Variants in HOMER2 observed in about 807,000 individuals in gnomAD.
HOMER2 encodes homer protein homolog 2.
Under a neutral mutation model 47.0 loss-of-function variants are expected in HOMER2, and 27 were observed. That is an observed-to-expected ratio of 0.57 (90% confidence interval 0.42 to 0.79). HOMER2 has a LOEUF of 0.79. Ranked by LOEUF, HOMER2 falls within the 30% of genes least tolerant of loss-of-function variation. The pLI is 0.00. For synonymous variants in HOMER2, 161 were observed against 163.8 expected (o/e 0.98, Z 0.13); for missense variants, 443 against 435.0 (o/e 1.02, Z -0.16).
chr15:82,928,960 A>AAAAAAAAAAAAAAAAAAAAAAAAAAT (rs2053933614), intron 1 of HOMER2, among the ~76,000 whole-genome samples: 1 of 148,848 alleles, frequency 6.7e-6, no homozygotes, highest in Non-Finnish European at 1.5e-5. Context: ...AAAAAAAAAA[A>AAAAAAAAAAAAAAAAAAAAAAAAAAT]GCTGTCATGC....
intron 1 of HOMER2, among the ~76,000 whole-genome samples, chr15:82,966,604 G>A (rs538887080): frequency 6.6e-6 from 1 of 152,168 alleles, no homozygotes; most frequent in Non-Finnish European, 1.5e-5. Context: ...AACAAAGGCG[G>A]GAAAATGTTA....
At chr15:82,960,917 G>T (rs1295916078) in intron 1 of HOMER2, among the ~76,000 whole-genome samples, 1 of 152,230 alleles carries the variant, frequency 6.6e-6, no homozygotes, top group Admixed American at 6.5e-5. Flanking sequence ...CAGCTGCCCA[G>T]CAGGCTTTAG....
At chr15:82,975,526 C>T (rs1725190402) in intron 1 of HOMER2, among the ~76,000 whole-genome samples, 1 of 152,066 alleles carries the variant, frequency 6.6e-6, no homozygotes, top group African/African-American at 2.4e-5. Flanking sequence ...TACTATTCAG[C>T]CGTAAAAAAA....
intron 1 of HOMER2, among the ~76,000 whole-genome samples, chr15:82,962,456 C>T: frequency 6.6e-6 from 1 of 151,552 alleles, no homozygotes; most frequent in Non-Finnish European, 1.5e-5. Flanking sequence ...GCAGGCAGAT[C>T]ACCTGAAGTC....
At chr15:82,869,061 T>C (rs571357157) in intron 3 of HOMER2, among the ~76,000 whole-genome samples, 1 of 152,350 alleles carries the variant, frequency 6.6e-6, no homozygotes, top group Admixed American at 6.5e-5. Flanking sequence ...TAGGTATAAA[T>C]GCGACCACAG....
At chr15:82,868,541 A>ATATATATTTTTTTTTTTTTTTTT in intron 3 of HOMER2, among the ~76,000 whole-genome samples, 1 of 71,288 alleles carries the variant, frequency 1.4e-5, no homozygotes, top group African/African-American at 5.0e-5. Context: ...ATATATATAT[A>ATATATATTTTTTTTTTTTTTTTT]TTTTTTTTTT....
chr15:82,904,156 C>T (rs886831353), intron 1 of HOMER2, among the ~76,000 whole-genome samples: 16 of 152,030 alleles, frequency 1.1e-4, no homozygotes, highest in African/African-American at 3.1e-4. Flanking sequence ...ACAAAAAACA[C>T]GGAAAAATCA....
intron 1 of HOMER2, among the ~76,000 whole-genome samples, chr15:82,940,455 G>C (rs929687212): frequency 3.9e-5 from 6 of 152,198 alleles, no homozygotes; most frequent in African/African-American, 1.4e-4. Flanking sequence ...AAAATTAGCT[G>C]TGCATGGGCT....
chr15:82,983,006 T>A (rs997355730), intron 1 of HOMER2, among the ~76,000 whole-genome samples: 6 of 152,200 alleles, frequency 3.9e-5, no homozygotes, highest in Admixed American at 1.3e-4. Context: ...GATAAACCCA[T>A]CACAAGTTGA....
intron 1 of HOMER2, chr15:82,951,975 CA>C (rs1420579640): frequency 1.3e-6 from 1 of 776,070 alleles, no homozygotes; most frequent in Non-Finnish European, 1.6e-6. Flanking sequence ...CCCTCCTGAG[CA>C]TCTACTCAGT....
At chr15:82,868,541 A>ATATATATATATATATATATTT in intron 3 of HOMER2, among the ~76,000 whole-genome samples, 1 of 71,266 alleles carries the variant, frequency 1.4e-5, no homozygotes, top group African/African-American at 5.0e-5. Context: ...ATATATATAT[A>ATATATATATATATATATATTT]TTTTTTTTTT....
exon 2 of HOMER2, chr15:82,958,871 T>G (rs75591339): frequency 1.3e-5 from 2 of 152,484 alleles, no homozygotes; most frequent in Non-Finnish European, 2.9e-5. Context: ...GAGGCAAAAA[T>G]AGAAATGACC....
chr15:82,882,700 T>C (rs139753505), intron 2 of HOMER2, among the ~76,000 whole-genome samples: 2 of 152,244 alleles, frequency 1.3e-5, no homozygotes, highest in Non-Finnish European at 2.9e-5. Flanking sequence ...GCGTGACACA[T>C]GCTTGGACAG....
chr15:82,980,484 C>T (rs1451484704), intron 1 of HOMER2, among the ~76,000 whole-genome samples: 1 of 152,158 alleles, frequency 6.6e-6, no homozygotes, highest in East Asian at 1.9e-4. Context: ...TGTGTTCTGC[C>T]TCTGACCACC....
At chr15:82,856,359 T>C (rs2051585478) in intron 5 of HOMER2, among the ~76,000 whole-genome samples, 1 of 152,056 alleles carries the variant, frequency 6.6e-6, no homozygotes, top group African/African-American at 2.4e-5. Flanking sequence ...ACACCTATAA[T>C]CCCAGCACTT....
At chr15:82,890,600 T>C (rs1413853637) in intron 2 of HOMER2, among the ~76,000 whole-genome samples, 4 of 152,160 alleles carry the variant, frequency 2.6e-5, no homozygotes, top group East Asian at 1.9e-4. Context: ...CCCCACCACA[T>C]TGTCACAGCC....
intron 1 of HOMER2, among the ~76,000 whole-genome samples, chr15:82,984,573 C>T (rs1198986275): frequency 1.3e-5 from 2 of 152,192 alleles, no homozygotes; most frequent in Non-Finnish European, 2.9e-5. Context: ...AATCCCAGCC[C>T]TTTGGGAGGC....
intron 1 of HOMER2, among the ~76,000 whole-genome samples, chr15:82,902,135 C>CA (rs888002013): frequency 3.3e-5 from 5 of 150,288 alleles, no homozygotes; most frequent in Admixed American, 6.6e-5. Context: ...AAGTTTTAAA[C>CA]AAAAAGAGTT....
At chr15:82,868,858 T>C (rs991215956) in intron 3 of HOMER2, among the ~76,000 whole-genome samples, 1 of 151,602 alleles carries the variant, frequency 6.6e-6, no homozygotes, top group African/African-American at 2.4e-5. Context: ...GCTATATATA[T>C]ATATATATAT....
Sources: gnomAD v4.1 joint callset for allele counts (sites outside exome capture counted in the v4.1 genomes callset) on GRCh38, gnomAD v4.1.1 for gene constraint, MANE v1.5 for transcripts, NCBI Gene and HGNC (gene_info 2026-07-23, HGNC 2026-07-21) for gene names.